The following TENM3 variants were observed in gnomAD, a reference collection of about 807,000 sequenced individuals.
TENM3 encodes teneurin-3.
In TENM3, 63 loss-of-function variants were observed where a neutral mutation model predicts 255.1. The observed-to-expected ratio is 0.25, with a 90% CI of 0.20 to 0.30. TENM3 has a LOEUF of 0.30. Ranked by LOEUF, TENM3 falls within the 10% of genes least tolerant of loss-of-function variation. The pLI is 1.00. For synonymous variants in TENM3, 1,306 were observed against 1,322.3 expected (o/e 0.99, Z 0.27); for missense variants, 2,929 against 3,461.1 (o/e 0.85, Z 3.86).
the TENM3 span, among the ~76,000 whole-genome samples, chr4:181,810,045 A>G: frequency 6.6e-6 from 1 of 152,152 alleles, no homozygotes. Context: ...TATAGCAGCA[A>G]TAAAAAACTA....
At position 182,539,408 on chromosome 4, in the gene TENM3, G is replaced by A. The variant is rs541236168; in HGVS notation, c.512-61516G>A. On this transcript the variant is annotated intron_variant, in intron 3 of 27. Transcript: ENST00000511685. ...TGGAAGCCAGAGTGGATGAAGGAGTGAGCAAGGAGATGGAGACAGTGGGAA... is the reference window on the plus strand; with the variant it reads ...TGGAAGCCAGAGTGGATGAAGGAGTAAGCAAGGAGATGGAGACAGTGGGAA... Among the ~76,000 whole-genome samples the A allele has an allele frequency of 2.0e-5, 3 of 152,212 alleles. No homozygotes were observed. In the South Asian group the frequency reaches 6.2e-4, roughly 32 times the overall value.
chr4:182,104,091 G>A, the TENM3 span, among the ~76,000 whole-genome samples: 4 of 152,270 alleles, frequency 2.6e-5, no homozygotes, highest in East Asian at 7.7e-4. Context: ...GTGTGGTGGT[G>A]TAATATACGG....
the TENM3 span, among the ~76,000 whole-genome samples, chr4:181,447,997 A>G: frequency 1.1e-4 from 16 of 151,908 alleles, no homozygotes; most frequent in African/African-American, 3.4e-4. Flanking sequence ...TAAGTGTGCA[A>G]TGCTACAAAT....
At chr4:182,531,383 G>T (rs1739766334) in intron 3 of TENM3, among the ~76,000 whole-genome samples, 1 of 152,116 alleles carries the variant, frequency 6.6e-6, no homozygotes, top group Admixed American at 6.5e-5. Flanking sequence ...CCCTTGCTCT[G>T]GATGTGCTAC....
intron 3 of TENM3, among the ~76,000 whole-genome samples, chr4:182,502,316 G>C (rs1319540586): frequency 1.3e-5 from 2 of 152,096 alleles, no homozygotes; most frequent in Non-Finnish European, 2.9e-5. Flanking sequence ...TCATTGTGCT[G>C]AGTACTCTGT....
At chr4:182,035,254 C>T in the TENM3 span, among the ~76,000 whole-genome samples, 4 of 152,276 alleles carry the variant, frequency 2.6e-5, no homozygotes, top group African/African-American at 9.6e-5. Flanking sequence ...TTCATCACTG[C>T]TTCTTGACAT....
At chr4:182,249,342 C>T (rs1447575389) in intron 1 of TENM3, among the ~76,000 whole-genome samples, 1 of 152,200 alleles carries the variant, frequency 6.6e-6, no homozygotes, top group Non-Finnish European at 1.5e-5. Context: ...CTGAGTTAAG[C>T]TGTGATAACA....
chr4:181,891,977 T>C, the TENM3 span, among the ~76,000 whole-genome samples: 1 of 152,156 alleles, frequency 6.6e-6, no homozygotes, highest in Non-Finnish European at 1.5e-5. Flanking sequence ...AATTCAACCT[T>C]CTTACCCTTT....
At chr4:181,789,918 T>G in the TENM3 span, among the ~76,000 whole-genome samples, 1 of 152,202 alleles carries the variant, frequency 6.6e-6, no homozygotes, top group Non-Finnish European at 1.5e-5. Flanking sequence ...CTTTGTAGTA[T>G]TCTTCATTAT....
the TENM3 span, among the ~76,000 whole-genome samples, chr4:181,742,393 A>G: frequency 1.3e-5 from 2 of 152,140 alleles, no homozygotes; most frequent in African/African-American, 2.4e-5. Context: ...ATATCTATAT[A>G]TCATTTATTC....
chr4:181,547,731 A>G, the TENM3 span, among the ~76,000 whole-genome samples: 1 of 152,186 alleles, frequency 6.6e-6, no homozygotes, highest in Non-Finnish European at 1.5e-5. Flanking sequence ...CTTATTCAAT[A>G]TCTTAAAATA....
intron 3 of TENM3, among the ~76,000 whole-genome samples, chr4:182,429,497 C>T (rs2151183234): frequency 6.6e-6 from 1 of 152,186 alleles, no homozygotes; most frequent in Middle Eastern, 3.4e-3. Flanking sequence ...TATATCACAG[C>T]TATATTTAAA....
the TENM3 span, among the ~76,000 whole-genome samples, chr4:181,728,926 G>GT: frequency 1.3e-5 from 2 of 151,606 alleles, no homozygotes; most frequent in African/African-American, 4.8e-5. Context: ...TTATTATGTT[G>GT]TTTCCTTAAG....
At chr4:182,427,907 C>G (rs1771347052) in intron 3 of TENM3, among the ~76,000 whole-genome samples, 3 of 150,418 alleles carry the variant, frequency 2.0e-5, no homozygotes, top group Non-Finnish European at 4.4e-5. Flanking sequence ...TGAGAAGTGA[C>G]TTTTTATCCC....
At chr4:181,533,421 T>C in the TENM3 span, among the ~76,000 whole-genome samples, 95 of 152,212 alleles carry the variant, frequency 6.2e-4, no homozygotes, top group African/African-American at 2.1e-3. Flanking sequence ...GAAGAAGAGG[T>C]GGACAGAAGG....
At chr4:181,661,255 G>A in the TENM3 span, among the ~76,000 whole-genome samples, 13 of 152,084 alleles carry the variant, frequency 8.5e-5, no homozygotes, top group Non-Finnish European at 8.8e-5. Flanking sequence ...ACATGCTCAC[G>A]AGCTGACTAT....
chr4:182,333,658 T>C (rs1412823682), intron 2 of TENM3, among the ~76,000 whole-genome samples: 1 of 152,176 alleles, frequency 6.6e-6, no homozygotes, highest in Non-Finnish European at 1.5e-5. Flanking sequence ...TCAGTTGAAA[T>C]AGGAACATAA....
intron 5 of TENM3, among the ~76,000 whole-genome samples, chr4:182,644,625 T>C (rs1208291962): frequency 6.6e-6 from 1 of 152,182 alleles, no homozygotes; most frequent in Non-Finnish European, 1.5e-5. Context: ...AAAAAATTCC[T>C]TCATAAAATT....
the TENM3 span, among the ~76,000 whole-genome samples, chr4:181,793,683 A>T: frequency 3.3e-5 from 5 of 152,190 alleles, no homozygotes; most frequent in Non-Finnish European, 5.9e-5. Context: ...TATGATCAAG[A>T]GTTTGAAATT....
Sources: gnomAD v4.1 joint callset for allele counts (sites outside exome capture counted in the v4.1 genomes callset) on GRCh38, gnomAD v4.1.1 for gene constraint, MANE v1.5 for transcripts, NCBI Gene and HGNC (gene_info 2026-07-23, HGNC 2026-07-21) for gene names.